RTL9: variants seen among roughly 807,000 people sequenced by gnomAD.
RTL9 encodes retrotransposon Gag like 9, also known as retrotransposon Gag-like protein 9.
RTL9 carries 19 observed loss-of-function variants against 44.7 expected under a neutral mutation model. That is an observed-to-expected ratio of 0.42 (90% confidence interval 0.30 to 0.62). The LOEUF (loss-of-function observed/expected upper bound fraction) is 0.62, where lower values mean the gene tolerates loss of function less well. RTL9 is among the 20% of genes least tolerant of loss of function. RTL9 has a pLI of 0.16. For synonymous variants in RTL9, 407 were observed against 398.9 expected (o/e 1.02, Z -0.24); for missense variants, 1,105 against 1,080.6 (o/e 1.02, Z -0.32).
chrX:110,444,103 A>C (rs1483887123), intron 1 of RTL9, among the ~76,000 whole-genome samples: 1 of 112,496 alleles, frequency 8.9e-6, no homozygotes, highest in Admixed American at 9.4e-5. Context: ...GGAGAGTCTC[A>C]AGCCGGAAAC....
intron 1 of RTL9, among the ~76,000 whole-genome samples, chrX:110,406,765 C>T (rs2068605175): frequency 8.9e-6 from 1 of 112,241 alleles, no homozygotes; most frequent in African/African-American, 3.2e-5. Context: ...AAGTCTTATG[C>T]TCCTCTGCTT....
intron 1 of RTL9, among the ~76,000 whole-genome samples, chrX:110,360,478 T>C (rs2068256080): frequency 9.0e-6 from 1 of 111,437 alleles, no homozygotes; most frequent in African/African-American, 3.3e-5. Context: ...TTGAACTAGA[T>C]TGATAGTAAT....
chrX:110,451,848 A>G lies in RTL9; in HGVS notation c.1231A>G (p.Met411Val), dbSNP rs1483270926. 8.3e-6 allele frequency: 10 copies of G among 1,210,377 alleles called. No homozygotes were observed. Among genetic ancestry groups the G allele is most frequent in the Non-Finnish European group, 1.0e-5 (9 of 895,316 alleles). ...AGTAAGAGCTTTAGATTCTGGAGCA[A>G]TGTCCACACCGCTAATGGGAGCCCC... is the stretch of plus-strand genomic sequence containing the variant. The change falls in exon 1 of 2, where the codon ATG becomes GTG. Residue 411 changes from methionine (M) to valine (V), a missense_variant. Transcript: ENST00000540313.
chrX:110,421,001 C>A (rs1287163404), intron 1 of RTL9, among the ~76,000 whole-genome samples: 1 of 111,627 alleles, frequency 9.0e-6, no homozygotes, highest in African/African-American at 3.3e-5. Flanking sequence ...AGCGAGAGAG[C>A]TGCAAGCCTG....
intron 1 of RTL9, among the ~76,000 whole-genome samples, chrX:110,405,608 A>G (rs750955528): frequency 1.4e-4 from 16 of 112,042 alleles, no homozygotes; most frequent in African/African-American, 4.9e-4. Flanking sequence ...AATAATTATA[A>G]TAAGCTGCTT....
upstream of RTL9, among the ~76,000 whole-genome samples, chrX:110,450,276 T>G (rs1227961192): frequency 9.0e-6 from 1 of 111,678 alleles, no homozygotes; most frequent in African/African-American, 3.3e-5. Flanking sequence ...GTGGTGCTGC[T>G]GCTTTATTTG....
At chrX:110,420,454 G>A (rs956051774) in intron 1 of RTL9, among the ~76,000 whole-genome samples, 2 of 112,287 alleles carry the variant, frequency 1.8e-5, no homozygotes, top group African/African-American at 6.5e-5. Flanking sequence ...TCTGGTGCAA[G>A]AGGTGCCTCT....
At chrX:110,445,969 T>A (rs1417604472), upstream of RTL9, among the ~76,000 whole-genome samples, 1 of 111,892 alleles carries the variant, frequency 8.9e-6, no homozygotes, top group African/African-American at 3.3e-5. Flanking sequence ...GCAAGAACCC[T>A]CTCTCAGTAG....
chrX:110,423,412 G>A (rs753140102), intron 1 of RTL9, among the ~76,000 whole-genome samples: 1 of 111,089 alleles, frequency 9.0e-6, no homozygotes. Flanking sequence ...GAAGGAGAAG[G>A]AGAACGAGAA....
exon 1 of RTL9, chrX:110,452,897 A>G (rs2068954148): frequency 8.3e-7 from 1 of 1,210,108 alleles, no homozygotes; most frequent in Non-Finnish European, 1.1e-6. Flanking sequence ...CAACAGTGAG[A>G]GCCTGGACCT....
Position 110,429,470 on chromosome X carries a change from T to G in RTL9, c.-168+10335T>G, listed in dbSNP as rs757526207. ...TTAGAGAAAAAGTGTTTTTTTTTTT[T>G]TTTGTTTTGTTTTTTTGGTTTTTTT... is the stretch of plus-strand genomic sequence containing the variant. On this transcript the variant is annotated intron_variant, in intron 1 of 3. Coordinates refer to the RTL9 transcript ENST00000465301. Among the ~76,000 whole-genome samples, 153 of 79,422 alleles carry G rather than the reference T, an allele frequency of 1.9e-3. 1 individual carries two copies. Among genetic ancestry groups the G allele is most frequent in the African/African-American group, 4.2e-3 (33 of 7,877 alleles). 69.0% of individuals were successfully genotyped at this position (79,422 alleles called of 115,157 possible).
chrX:110,381,488 G>A (rs2068418618), intron 1 of RTL9, among the ~76,000 whole-genome samples: 1 of 111,940 alleles, frequency 8.9e-6, no homozygotes, highest in Non-Finnish European at 1.9e-5. Flanking sequence ...ATGTAAGTTA[G>A]TTCAGCCCCT....
exon 1 of RTL9, chrX:110,452,804 A>G (rs1458925553): frequency 8.3e-7 from 1 of 1,211,986 alleles, no homozygotes; most frequent in African/African-American, 1.7e-5. Flanking sequence ...AAGATCCTGG[A>G]GGGATGTCCA....
exon 1 of RTL9, chrX:110,452,355 A>G (rs1385963886): frequency 1.7e-6 from 2 of 1,210,054 alleles, no homozygotes; most frequent in African/African-American, 1.8e-5. Context: ...CACCCCACTA[A>G]TGACAGCCCA....
intron 1 of RTL9, among the ~76,000 whole-genome samples, chrX:110,394,599 C>T: frequency 8.9e-6 from 1 of 112,601 alleles, no homozygotes; most frequent in Non-Finnish European, 1.9e-5. Context: ...CACTTAAAGT[C>T]CAGTTCCCAA....
At chrX:110,392,558 T>C (rs904091301) in intron 1 of RTL9, among the ~76,000 whole-genome samples, 1 of 112,187 alleles carries the variant, frequency 8.9e-6, no homozygotes, top group African/African-American at 3.2e-5. Flanking sequence ...ACTAGGATTA[T>C]AGGCGTGAGC....
chrX:110,380,513 C>T (rs1212733282), intron 1 of RTL9, among the ~76,000 whole-genome samples: 1 of 111,961 alleles, frequency 8.9e-6, no homozygotes, highest in Non-Finnish European at 1.9e-5. Context: ...TTAAAATGGC[C>T]ATACTGCTCA....
chrX:110,376,020 T>A (rs893564124), intron 1 of RTL9, among the ~76,000 whole-genome samples: 7 of 111,495 alleles, frequency 6.3e-5, no homozygotes, highest in African/African-American at 2.3e-4. Flanking sequence ...GTAGTCACAT[T>A]CTCATTTTAG....
chrX:110,455,053 G>C (rs1460761882), intron 1 of RTL9, 149 bp from the exon 4 acceptor site: 2 of 748,382 alleles, frequency 2.7e-6, no homozygotes, highest in Non-Finnish European at 2.0e-6. Context: ...TAGGGAATTA[G>C]AATAGCCTAC....
Sources: gnomAD v4.1 joint callset for allele counts (sites outside exome capture counted in the v4.1 genomes callset) on GRCh38, gnomAD v4.1.1 for gene constraint, MANE v1.5 for transcripts, NCBI Gene and HGNC (gene_info 2026-07-23, HGNC 2026-07-21) for gene names.